SMYD3: variants seen among roughly 807,000 people sequenced by gnomAD.
The protein encoded by SMYD3 is histone-lysine N-methyltransferase SMYD3.
A neutral mutation model predicts 57.7 loss-of-function variants in SMYD3; 36 were observed. The ratio of observed to expected loss-of-function variants is 0.62; its 90% CI spans 0.48 to 0.82. SMYD3 has a LOEUF of 0.82. Among genes scored for constraint, SMYD3 ranks in the 40% least tolerant of loss-of-function variants. The pLI is 0.00. For missense variants in SMYD3, 515 were observed against 538.8 expected (o/e 0.96, Z 0.44); for synonymous variants, 211 against 195.0 (o/e 1.08, Z -0.68).
intron 5 of SMYD3, among the ~76,000 whole-genome samples, chr1:245,950,678 C>T (rs12093398): frequency 0.16 from 23,947 of 152,152 alleles, 3,241 homozygotes; most frequent in African/African-American, 0.36. Context: ...AATATGCCTC[C>T]GATATAAAGT....
At chr1:245,958,288 C>T (rs1372837233) in intron 5 of SMYD3, among the ~76,000 whole-genome samples, 1 of 152,170 alleles carries the variant, frequency 6.6e-6, no homozygotes, top group African/African-American at 2.4e-5. Context: ...AACATTCTGA[C>T]AATACAATCA....
chr1:246,369,468 TA>T (rs1266240555), intron 1 of SMYD3, among the ~76,000 whole-genome samples: 2 of 152,208 alleles, frequency 1.3e-5, no homozygotes, highest in Non-Finnish European at 2.9e-5. Flanking sequence ...CACACACCAG[TA>T]GATGTGGTCA....
intron 1 of SMYD3, among the ~76,000 whole-genome samples, chr1:246,485,335 C>A (rs76482683): frequency 0.047 from 7,111 of 152,282 alleles, 537 homozygotes; most frequent in African/African-American, 0.16. Flanking sequence ...GCACTAGTTA[C>A]ACACTACCAG....
At chr1:245,853,759 G>A (rs1032841792) in intron 10 of SMYD3, among the ~76,000 whole-genome samples, 2 of 152,128 alleles carry the variant, frequency 1.3e-5, no homozygotes, top group Non-Finnish European at 2.9e-5. Context: ...AAAAACGAAT[G>A]GGGCTGCTAT....
At chr1:246,338,397 C>T (rs547731078) in intron 2 of SMYD3, among the ~76,000 whole-genome samples, 1 of 152,282 alleles carries the variant, frequency 6.6e-6, no homozygotes, top group African/African-American at 2.4e-5. Flanking sequence ...GTCAAGACCT[C>T]GATGACACAT....
intron 5 of SMYD3, among the ~76,000 whole-genome samples, chr1:246,053,723 G>A (rs901559188): frequency 6.6e-6 from 1 of 152,014 alleles, no homozygotes; most frequent in Non-Finnish European, 1.5e-5. Flanking sequence ...GCTGAGACAA[G>A]AGGATCGCTT....
At chr1:245,850,294 A>C (rs2050897476) in intron 10 of SMYD3, among the ~76,000 whole-genome samples, 1 of 152,226 alleles carries the variant, frequency 6.6e-6, no homozygotes, top group Non-Finnish European at 1.5e-5. Flanking sequence ...GTAACTGTGT[A>C]TAAAGAACCC....
At chr1:246,027,757 C>A (rs1373728590) in intron 5 of SMYD3, among the ~76,000 whole-genome samples, 1 of 152,182 alleles carries the variant, frequency 6.6e-6, no homozygotes, top group Non-Finnish European at 1.5e-5. Context: ...ATCTAGTCTT[C>A]AGCCCATGGA....
chr1:246,384,977 C>A (rs947636682), intron 1 of SMYD3, among the ~76,000 whole-genome samples: 2 of 151,890 alleles, frequency 1.3e-5, no homozygotes, highest in Non-Finnish European at 2.9e-5. Context: ...AAATACCTGA[C>A]CAAATTTATA....
intron 1 of SMYD3, among the ~76,000 whole-genome samples, chr1:246,387,712 T>C (rs1457028051): frequency 6.6e-6 from 1 of 152,224 alleles, no homozygotes; most frequent in Non-Finnish European, 1.5e-5. Flanking sequence ...GGACTTCTAG[T>C]TACAGCTATG....
At chr1:246,392,261 T>C (rs903973821) in intron 1 of SMYD3, among the ~76,000 whole-genome samples, 1 of 152,078 alleles carries the variant, frequency 6.6e-6, no homozygotes, top group Non-Finnish European at 1.5e-5. Flanking sequence ...AGTTGAAGAT[T>C]TTTTTCACAA....
chr1:245,934,007 T>C (rs909454104), intron 5 of SMYD3, among the ~76,000 whole-genome samples: 1 of 151,768 alleles, frequency 6.6e-6, no homozygotes, highest in East Asian at 1.9e-4. Context: ...AATTTCCCAA[T>C]ATATATACAA....
At chr1:245,767,435 G>A (rs1402458060) in intron 10 of SMYD3, among the ~76,000 whole-genome samples, 2 of 152,192 alleles carry the variant, frequency 1.3e-5, no homozygotes, top group Non-Finnish European at 2.9e-5. Context: ...TCATGATATA[G>A]AAAGGCATGT....
At chr1:245,792,541 A>T (rs181190249) in intron 10 of SMYD3, among the ~76,000 whole-genome samples, 11 of 152,256 alleles carry the variant, frequency 7.2e-5, no homozygotes, top group East Asian at 5.8e-4. Flanking sequence ...CAGAAAAAAA[A>T]TTTTTTTATT....
chr1:246,032,358 C>T (rs2059692487), intron 5 of SMYD3, among the ~76,000 whole-genome samples: 1 of 152,176 alleles, frequency 6.6e-6, no homozygotes, highest in African/African-American at 2.4e-5. Flanking sequence ...GGGAATCTCT[C>T]ACTCTCCCCC....
intron 10 of SMYD3, among the ~76,000 whole-genome samples, chr1:245,803,543 G>T (rs966295317): frequency 1.3e-5 from 2 of 152,306 alleles, no homozygotes; most frequent in African/African-American, 4.8e-5. Context: ...TTTTCTCTGA[G>T]TGCAATGATG....
At position 246,193,403 on chromosome 1, in the gene SMYD3, T is replaced by C. The variant is rs1027897052; in HGVS notation, c.531+133798A>G. On this transcript the variant is annotated intron_variant, in intron 5 of 11. Coordinates refer to ENST00000490107, the MANE Select transcript of SMYD3 (RefSeq NM_001167740.2). ...TCTGGAGATTTAAATTAGACTGTAC[T>C]GATGAATGTATTCTTCAGAATATGT... Among the ~76,000 whole-genome samples the C allele has an allele frequency of 3.3e-5, 5 of 152,358 alleles. No individual in the cohort carries two copies. The East Asian group carries it at 9.6e-4, about 29-fold the overall frequency.
At chr1:246,001,924 C>G (rs965307679) in intron 5 of SMYD3, among the ~76,000 whole-genome samples, 1 of 152,178 alleles carries the variant, frequency 6.6e-6, no homozygotes, top group African/African-American at 2.4e-5. Context: ...GACAGATTCT[C>G]CGGCCGCCAG....
chr1:246,307,950 T>C (rs2065015431), intron 5 of SMYD3, among the ~76,000 whole-genome samples: 2 of 152,156 alleles, frequency 1.3e-5, no homozygotes, highest in African/African-American at 4.8e-5. Context: ...CTATTTGCAA[T>C]GGTGACTGTT....
Sources: allele counts gnomAD v4.1 joint callset (sites outside exome capture counted in the v4.1 genomes callset), GRCh38; gene constraint gnomAD v4.1.1; transcripts MANE v1.5; gene names NCBI Gene and HGNC (gene_info 2026-07-23, HGNC 2026-07-21).